Variants in SRXN1 observed in about 807,000 individuals in gnomAD.
The protein encoded by SRXN1 is sulfiredoxin 1.
A neutral mutation model predicts 11.0 loss-of-function variants in SRXN1; 11 were observed. That is an observed-to-expected ratio of 1.00 (90% CI 0.63 to 1.65). SRXN1 has a LOEUF of 1.65. Ranked by LOEUF, SRXN1 falls within the 40% of genes most tolerant of loss-of-function variation. The pLI, the probability that SRXN1 is intolerant of heterozygous loss-of-function variation, is 0.00. For synonymous variants in SRXN1, 106 were observed against 92.8 expected, an observed-to-expected ratio of 1.14 and a Z score of -0.82; for missense variants, 211 against 194.5, an observed-to-expected ratio of 1.08 and a Z score of -0.50.
chr20:651,290 T>A (rs1023389196), intron 1 of SRXN1, among the ~76,000 whole-genome samples: 1 of 152,214 alleles, frequency 6.6e-6, no homozygotes, highest in Non-Finnish European at 1.5e-5. Context: ...CCATCAACTT[T>A]GTGGTAACTT....
intron 1 of SRXN1, among the ~76,000 whole-genome samples, chr20:650,723 T>C (rs76742460): frequency 0.17 from 26,155 of 152,176 alleles, 2,427 homozygotes; most frequent in South Asian, 0.34. Flanking sequence ...ATTCCTCACC[T>C]GTAAACTGGG....
intron 1 of SRXN1, among the ~76,000 whole-genome samples, chr20:651,172 A>G (rs1471854283): frequency 6.6e-6 from 1 of 152,196 alleles, no homozygotes; most frequent in Non-Finnish European, 1.5e-5. Context: ...AGGCGAGGAA[A>G]TGGATTCTCC....
rs1045390144 is a variant in SRXN1 at position 653,021 on chromosome 20, G to T, written c.165C>A (p.Ser55=). 4.5e-6 allele frequency: 7 copies of T among 1,572,072 alleles called. No individual in the cohort carries two copies. The highest frequency in any genetic ancestry group is 1.4e-5 in the African/African-American group (1 of 73,370). ...PLSVLIRPLP[S]VLDPAKVQSL... ...TCTGCACCTTGGCGGGGTCCAACACGGACGGCAGCGGCCGGATGAGCACGC... is the reference window on the plus strand; with the variant it reads ...TCTGCACCTTGGCGGGGTCCAACACTGACGGCAGCGGCCGGATGAGCACGC... Residue 55 remains serine (S), a synonymous_variant, in exon 1 of 2, where the codon TCC becomes TCA. Coordinates refer to ENST00000381962, the MANE Select transcript of SRXN1 (RefSeq NM_080725.3).
intron 1 of SRXN1, among the ~76,000 whole-genome samples, chr20:652,277 T>C (rs935933745): frequency 6.6e-6 from 1 of 152,124 alleles, no homozygotes; most frequent in Non-Finnish European, 1.5e-5. Flanking sequence ...AGGGATCTCA[T>C]GTGCTCACCT....
In SRXN1 at chr20:648,017, G is replaced by A; in HGVS notation, c.*697C>T. The A allele has an allele frequency of 2.2e-6, 1 of 452,594 alleles. No homozygotes were observed. The highest frequency in any genetic ancestry group is 1.6e-5 in the South Asian group (1 of 64,124). 28.0% of individuals were successfully genotyped at this position (452,594 alleles called of 1,614,324 possible). On this transcript the variant is annotated 3_prime_UTR_variant, in exon 2 of 2. Coordinates refer to ENST00000381962, the MANE Select transcript of SRXN1 (RefSeq NM_080725.3). ...TGCAATGGTAGCTGGCTCGGGCCAA[G>A]GGCATCTAAGTGAAGATATGCAGAG... is the stretch of plus-strand genomic sequence containing the variant.
At position 648,555 on chromosome 20, in the gene SRXN1, C is replaced by T. The variant is rs1202378428; in HGVS notation, c.*159G>A. On this transcript the variant is annotated 3_prime_UTR_variant, in exon 2 of 2. Coordinates refer to ENST00000381962, the MANE Select transcript of SRXN1 (RefSeq NM_080725.3). ...GGGCTCCCACACTGTACAGTGAGTCCAAGGCCTTGTAGCTGGTGAGAGGGG... is the reference window on the plus strand; with the variant it reads ...GGGCTCCCACACTGTACAGTGAGTCTAAGGCCTTGTAGCTGGTGAGAGGGG... 1 of 783,172 alleles carries T rather than the reference C, an allele frequency of 1.3e-6. No homozygotes were observed. The highest frequency in any genetic ancestry group is 2.1e-6 in the Non-Finnish European group (1 of 473,392). The allele number at this position is 783,172 out of a possible 1,614,324, so 48.5% of individuals were successfully genotyped here. A position where few individuals can be genotyped will look rare whatever the true frequency, so the allele number is the denominator to read the frequency against.
In SRXN1 at chr20:648,832, C is replaced by T. The variant is rs1262426694; in HGVS notation, c.296G>A (p.Cys99Tyr). ...GGDYFYSFGGCHRYAAYQQLQ... is the reference protein window; with the variant it reads ...GGDYFYSFGGYHRYAAYQQLQ... ...TTGCTGGTAGGCCGCGTAGCGGTGG[C>T]AGCCCCCAAAGGAGTAGAAGTAGTC... The change falls in exon 2 of 2, where the codon TGC (cysteine) becomes TAC (tyrosine). Residue 99 changes from cysteine (C) to tyrosine (Y), a missense_variant. Transcript: ENST00000381962. 1.9e-6 allele frequency: 3 copies of T among 1,614,086 alleles called. No homozygotes were observed. In the South Asian group the frequency reaches 3.3e-5, roughly 18 times the overall value.
chr20:651,683 TA>T (rs61107831), intron 1 of SRXN1, among the ~76,000 whole-genome samples: 3,632 of 118,100 alleles, frequency 0.031, 119 homozygotes, highest in African/African-American at 0.089. Context: ...GACAACGTCT[TA>T]AAAAAAAAAA....
chr20:647,625 G>T lies in SRXN1; in HGVS notation c.*1089C>A. Reference sequence around the variant, plus strand: ...ACCAAGCAATTCCAGCCAACAGCCTGTCACCTGCCAGGCAAGTGAGTAAGG... The same window carrying T: ...ACCAAGCAATTCCAGCCAACAGCCTTTCACCTGCCAGGCAAGTGAGTAAGG... On this transcript the variant is annotated 3_prime_UTR_variant, in exon 2 of 2. Coordinates refer to ENST00000381962, the MANE Select transcript of SRXN1 (RefSeq NM_080725.3). The T allele has an allele frequency of 5.6e-6, 1 of 179,432 alleles. No homozygotes were observed. The allele number at this position is 179,432 out of a possible 1,614,324, so 11.1% of individuals were successfully genotyped here.
In SRXN1 at chr20:647,943, C is replaced by T. The variant is rs1983573891; in HGVS notation, c.*771G>A. The T allele has an allele frequency of 5.1e-6, 2 of 394,596 alleles. No homozygotes were observed. The highest frequency in any genetic ancestry group is 5.7e-5 in the Admixed American group (2 of 35,294). 24.4% of individuals were successfully genotyped at this position (394,596 alleles called of 1,614,324 possible). On this transcript the variant is annotated 3_prime_UTR_variant, in exon 2 of 2. Coordinates refer to ENST00000381962, the MANE Select transcript of SRXN1 (RefSeq NM_080725.3). ...GATGGAACACGATTGGTCTATTCAG[C>T]CATGACAATTCTGTTCCCTGCTGTC... is the stretch of plus-strand genomic sequence containing the variant.
rs778048956 is a variant in SRXN1 at position 653,031 on chromosome 20, G to T, written c.155C>A (p.Pro52Gln). ...HNVPLSVLIR[P>Q]LPSVLDPAKV... ...GGCGGGGTCCAACACGGACGGCAGCGGCCGGATGAGCACGCTCAGCGGCAC... is the reference window on the plus strand; with the variant it reads ...GGCGGGGTCCAACACGGACGGCAGCTGCCGGATGAGCACGCTCAGCGGCAC... The change falls in exon 1 of 2, where the codon CCG becomes CAG. Residue 52 changes from proline (P) to glutamine (Q), a missense_variant. Coordinates refer to ENST00000381962, the MANE Select transcript of SRXN1 (RefSeq NM_080725.3). 1 of 1,571,128 alleles carries T rather than the reference G, an allele frequency of 6.4e-7. No homozygotes were observed. The highest frequency in any genetic ancestry group is 1.8e-5 in the Admixed American group (1 of 56,186).
At chr20:651,005 G>A (rs567239444) in intron 1 of SRXN1, among the ~76,000 whole-genome samples, 1 of 152,210 alleles carries the variant, frequency 6.6e-6, no homozygotes, top group Non-Finnish European at 1.5e-5. Context: ...TAGATGGGTC[G>A]AATGCCATTA....
In SRXN1 at chr20:648,543, G is replaced by A. The variant is rs1983593288; in HGVS notation, c.*171C>T. The A allele has an allele frequency of 4.2e-6, 3 of 721,394 alleles. No individual in the cohort carries two copies. Among genetic ancestry groups the A allele is most frequent in the African/African-American group, 3.5e-5 (2 of 57,022 alleles). The allele number at this position is 721,394 out of a possible 1,614,324, so 44.7% of individuals were successfully genotyped here. On this transcript the variant is annotated 3_prime_UTR_variant, in exon 2 of 2. Transcript: ENST00000381962. ...AGGTGGGAACTGGGGCTCCCACACTGTACAGTGAGTCCAAGGCCTTGTAGC... is the reference window on the plus strand; with the variant it reads ...AGGTGGGAACTGGGGCTCCCACACTATACAGTGAGTCCAAGGCCTTGTAGC...
intron 1 of SRXN1, among the ~76,000 whole-genome samples, chr20:651,166 G>A (rs576873440): frequency 7.9e-5 from 12 of 152,320 alleles, no homozygotes; most frequent in Non-Finnish European, 1.3e-4. Context: ...TGGGAAAGGC[G>A]AGGAAATGGA....
In SRXN1 at chr20:647,849, A is replaced by C. The variant is rs1350939017; in HGVS notation, c.*865T>G. On this transcript the variant is annotated 3_prime_UTR_variant, in exon 2 of 2. Transcript: ENST00000381962. ...ACACAGCAAAAGCTAACTGGTACAC[A>C]ATTCTGCATTTCTCTCTTGGTAATG... 2 of 352,364 alleles carry C rather than the reference A, an allele frequency of 5.7e-6. No individual in the cohort carries two copies. The highest frequency in any genetic ancestry group is 1.5e-4 in the East Asian group (2 of 13,416). The allele number at this position is 352,364 out of a possible 1,614,324, so 21.8% of individuals were successfully genotyped here. A position where few individuals can be genotyped will look rare whatever the true frequency, so the allele number is the denominator to read the frequency against.
intron 1 of SRXN1, 69 bp from the exon 2 acceptor site, chr20:648,986 C>T (rs776469301): frequency 7.0e-5 from 108 of 1,540,624 alleles, no homozygotes; most frequent in Non-Finnish European, 9.2e-5. Flanking sequence ...CAGACTTTGT[C>T]CACTTGTGCT....
At chr20:651,276 T>C (rs1012887701) in intron 1 of SRXN1, among the ~76,000 whole-genome samples, 5 of 152,232 alleles carry the variant, frequency 3.3e-5, no homozygotes, top group African/African-American at 1.2e-4. Flanking sequence ...TGTGTTGTTT[T>C]AAGCCATCAA....
intron 1 of SRXN1, among the ~76,000 whole-genome samples, chr20:652,379 C>T (rs1005149865): frequency 2.6e-5 from 4 of 152,118 alleles, no homozygotes; most frequent in African/African-American, 4.8e-5. Context: ...AGAATCACTC[C>T]GGTATTCTTA....
intron 1 of SRXN1, among the ~76,000 whole-genome samples, chr20:650,214 G>A (rs1983637421): frequency 1.3e-5 from 2 of 152,214 alleles, no homozygotes; most frequent in Admixed American, 1.3e-4. Flanking sequence ...TGTCACAGGA[G>A]AACAGACTTG....
Sources: allele counts gnomAD v4.1 joint callset (sites outside exome capture counted in the v4.1 genomes callset), GRCh38; gene constraint gnomAD v4.1.1; transcripts MANE v1.5; gene names NCBI Gene and HGNC (gene_info 2026-07-23, HGNC 2026-07-21).